Variants in ST6GALNAC3 observed in about 807,000 individuals in gnomAD.
The protein encoded by ST6GALNAC3 is ST6 N-acetylgalactosaminide alpha-2,6-sialyltransferase 3.
In ST6GALNAC3, 25 loss-of-function variants were observed where a neutral mutation model predicts 32.7. The ratio of observed to expected loss-of-function variants is 0.76; its 90% confidence interval spans 0.56 to 1.07. ST6GALNAC3 has a LOEUF of 1.07. Among genes scored for constraint, ST6GALNAC3 ranks in the 50% least tolerant of loss-of-function variants. ST6GALNAC3 has a pLI of 0.00. For missense variants in ST6GALNAC3, 355 were observed against 382.4 expected (o/e 0.93, Z 0.60); for synonymous variants, 129 against 133.1 (o/e 0.97, Z 0.21).
intron 3 of ST6GALNAC3, among the ~76,000 whole-genome samples, chr1:76,472,894 G>A (rs1659124904): frequency 6.6e-6 from 1 of 152,094 alleles, no homozygotes; most frequent in African/African-American, 2.4e-5. Context: ...TGGGGGAAAA[G>A]AAGTGGCTCT....
intron 3 of ST6GALNAC3, among the ~76,000 whole-genome samples, chr1:76,546,747 C>A (rs981470996): frequency 3.3e-5 from 5 of 152,126 alleles, no homozygotes; most frequent in Non-Finnish European, 5.9e-5. Flanking sequence ...TGCAGTCTGG[C>A]AGGATGAAAG....
chr1:76,340,835 A>G (rs898047832), intron 2 of ST6GALNAC3, among the ~76,000 whole-genome samples: 2 of 151,984 alleles, frequency 1.3e-5, no homozygotes, highest in Admixed American at 1.3e-4. Context: ...GCCCATTAAC[A>G]CCTTAGGTTT....
At chr1:76,410,822 T>C (rs1654181906) in intron 2 of ST6GALNAC3, among the ~76,000 whole-genome samples, 1 of 152,124 alleles carries the variant, frequency 6.6e-6, no homozygotes, top group Non-Finnish European at 1.5e-5. Flanking sequence ...ACTGAGCCTT[T>C]AATGTATTCC....
intron 3 of ST6GALNAC3, among the ~76,000 whole-genome samples, chr1:76,437,886 A>G (rs188071520): frequency 5.9e-5 from 9 of 151,486 alleles, no homozygotes; most frequent in Admixed American, 2.0e-4. Context: ...AATAGCTATA[A>G]TTCTACATTA....
intron 1 of ST6GALNAC3, among the ~76,000 whole-genome samples, chr1:76,239,424 G>T (rs560107252): frequency 1.3e-4 from 20 of 152,024 alleles, no homozygotes; most frequent in Non-Finnish European, 2.5e-4. Flanking sequence ...ATTTTGGCTC[G>T]TGATTTTGCA....
chr1:76,421,187 CT>C (rs1408083787), intron 3 of ST6GALNAC3, among the ~76,000 whole-genome samples: 2 of 152,008 alleles, frequency 1.3e-5, no homozygotes, highest in East Asian at 1.9e-4. Context: ...TTTCAAAATA[CT>C]TTTTTTCAAC....
chr1:76,397,770 A>G (rs1353628108), intron 2 of ST6GALNAC3, among the ~76,000 whole-genome samples: 1 of 151,934 alleles, frequency 6.6e-6, no homozygotes, highest in Non-Finnish European at 1.5e-5. Flanking sequence ...GATTTCTTCT[A>G]CTGTGGTCTG....
chr1:76,243,848 T>C (rs562603448), intron 1 of ST6GALNAC3, among the ~76,000 whole-genome samples: 152 of 152,344 alleles, frequency 1.0e-3, no homozygotes, highest in Non-Finnish European at 1.6e-3. Context: ...TTGGTTACTG[T>C]AGCCTTATAG....
chr1:76,328,686 C>T (rs536428765), intron 2 of ST6GALNAC3, among the ~76,000 whole-genome samples: 5 of 152,008 alleles, frequency 3.3e-5, no homozygotes, highest in African/African-American at 1.2e-4. Context: ...GTTGATTTTC[C>T]CAAATTAAAG....
intron 1 of ST6GALNAC3, among the ~76,000 whole-genome samples, chr1:76,183,290 T>C (rs1570347215): frequency 6.6e-6 from 1 of 152,304 alleles, no homozygotes; most frequent in East Asian, 1.9e-4. Flanking sequence ...ATTACATTAT[T>C]ATTTAGTTAA....
At chr1:76,546,899 G>A (rs1389995478) in intron 3 of ST6GALNAC3, among the ~76,000 whole-genome samples, 1 of 152,232 alleles carries the variant, frequency 6.6e-6, no homozygotes, top group Non-Finnish European at 1.5e-5. Context: ...ATTTGGAAGT[G>A]CAGAGAATAG....
intron 2 of ST6GALNAC3, among the ~76,000 whole-genome samples, chr1:76,322,655 A>G (rs1646989817): frequency 1.3e-5 from 2 of 152,202 alleles, no homozygotes; most frequent in African/African-American, 4.8e-5. Flanking sequence ...GTAGCCTTAC[A>G]AAGCCTTATT....
At chr1:76,384,438 T>C (rs1229644817) in intron 2 of ST6GALNAC3, among the ~76,000 whole-genome samples, 1 of 152,174 alleles carries the variant, frequency 6.6e-6, no homozygotes, top group African/African-American at 2.4e-5. Context: ...CAATCATAGT[T>C]GGTGGTTTTA....
In ST6GALNAC3 at chr1:76,573,847, T is replaced by C. The variant is rs1224196866; in HGVS notation, c.624-53605T>C. ...GGAAGTAATGAATGGTCTGGTTCTTTGGGTCCTTGGAGCCAGTGTGGGTAG... is the reference window on the plus strand; with the variant it reads ...GGAAGTAATGAATGGTCTGGTTCTTCGGGTCCTTGGAGCCAGTGTGGGTAG... On this transcript the variant is annotated intron_variant, in intron 3 of 4. Transcript: ENST00000328299. Among the ~76,000 whole-genome samples, 3 of 146,712 alleles carry C rather than the reference T, an allele frequency of 2.0e-5. No individual in the cohort carries two copies. In the East Asian group the frequency reaches 5.9e-4, roughly 29 times the overall value.
chr1:76,118,545 G>A (rs1036223471), intron 1 of ST6GALNAC3, among the ~76,000 whole-genome samples: 5 of 152,132 alleles, frequency 3.3e-5, no homozygotes, highest in African/African-American at 1.2e-4. Flanking sequence ...GAGCTTAGGG[G>A]TCTGTCTCCT....
intron 3 of ST6GALNAC3, among the ~76,000 whole-genome samples, chr1:76,594,154 G>A (rs957399433): frequency 3.9e-5 from 6 of 152,128 alleles, no homozygotes; most frequent in South Asian, 4.2e-4. Flanking sequence ...GTCATGGCTC[G>A]TGGAAATAAA....
intron 3 of ST6GALNAC3, among the ~76,000 whole-genome samples, chr1:76,540,080 A>G (rs142181691): frequency 5.3e-4 from 80 of 152,318 alleles, no homozygotes; most frequent in African/African-American, 1.9e-3. Flanking sequence ...AGCACTATTT[A>G]TAATAGCAAA....
rs761478853 is a variant in ST6GALNAC3 at position 76,628,784 on chromosome 1, A to G, written c.896A>G (p.His299Arg). ...AAGAAGCACAGGATAATATTTACAC[A>G]TCCAAACTGGACATTGTCTTGATAA... ...WAKKHRIIFT[H>R]PNWTLS Residue 299 changes from histidine (H) to arginine (R), a missense_variant, in exon 5 of 5, where the codon CAT (histidine) becomes CGT (arginine). Transcript: ENST00000328299. 1 of 1,611,758 alleles carries G rather than the reference A, an allele frequency of 6.2e-7. No homozygotes were observed. Among genetic ancestry groups the G allele is most frequent in the Non-Finnish European group, 8.5e-7 (1 of 1,178,688 alleles).
intron 1 of ST6GALNAC3, among the ~76,000 whole-genome samples, chr1:76,231,428 G>T (rs1347529934): frequency 6.6e-6 from 1 of 151,970 alleles, no homozygotes; most frequent in Non-Finnish European, 1.5e-5. Flanking sequence ...ATTGTTGTAC[G>T]ATTAATCTCC....
Sources: allele counts gnomAD v4.1 joint callset (sites outside exome capture counted in the v4.1 genomes callset), GRCh38; gene constraint gnomAD v4.1.1; transcripts MANE v1.5; gene names NCBI Gene and HGNC (gene_info 2026-07-23, HGNC 2026-07-21).